PSMC2: variants seen among roughly 807,000 people sequenced by gnomAD.
PSMC2 encodes 26S proteasome regulatory subunit 7.
In PSMC2, 7 loss-of-function variants were observed where a neutral mutation model predicts 53.3. The ratio of observed to expected loss-of-function variants is 0.13; its 90% CI spans 0.07 to 0.25. PSMC2 has a LOEUF of 0.25. Ranked by LOEUF, PSMC2 falls within the 10% of genes least tolerant of loss-of-function variation. The pLI, the probability that PSMC2 is intolerant of heterozygous loss-of-function variation, is 1.00. For missense variants in PSMC2, 241 were observed against 544.0 expected (o/e 0.44, Z 5.54); for synonymous variants, 169 against 183.9 (o/e 0.92, Z 0.66).
chr7:103,352,215 TAAAAA>T (rs769618353), intron 1 of PSMC2, among the ~76,000 whole-genome samples: 9 of 40,620 alleles, frequency 2.2e-4, no homozygotes, highest in African/African-American at 3.5e-4. Context: ...CATACTTAGT[TAAAAA>T]AAAAAAAAAA....
rs371777406 is a variant in PSMC2 at position 103,368,091 on chromosome 7, A to G, written c.*37A>G. ...TTTCAAGTGAAAACTTTAAATTGGA[A>G]TCCTAACCTTATATAGACTTGTTAA... On this transcript the variant is annotated 3_prime_UTR_variant, in exon 12 of 12. Coordinates refer to ENST00000292644, the MANE Select transcript of PSMC2 (RefSeq NM_002803.4). 3 of 1,560,064 alleles carry G rather than the reference A, an allele frequency of 1.9e-6. No individual in the cohort carries two copies. Among genetic ancestry groups the G allele is most frequent in the African/African-American group, 2.8e-5 (2 of 72,692 alleles).
chr7:103,347,802 G>C, intron 1 of PSMC2, 21 bp downstream of exon 1: 1 of 1,613,526 alleles, frequency 6.2e-7, no homozygotes, highest in Non-Finnish European at 8.5e-7. Context: ...ATGGGCCGGA[G>C]CTCGGAGCTG....
chr7:103,360,588 G>A (rs913992021), intron 4 of PSMC2, among the ~76,000 whole-genome samples: 2 of 152,116 alleles, frequency 1.3e-5, no homozygotes, highest in African/African-American at 4.8e-5. Context: ...CTTACTTTTA[G>A]CTCTACCTAT....
intron 8 of PSMC2, among the ~76,000 whole-genome samples, chr7:103,364,986 TAGAG>T (rs1820632406): frequency 6.8e-6 from 1 of 146,484 alleles, no homozygotes; most frequent in Non-Finnish European, 1.5e-5. Flanking sequence ...TATATATATT[TAGAG>T]AATAAGTCTA....
intron 1 of PSMC2, among the ~76,000 whole-genome samples, chr7:103,350,668 T>G (rs567443758): frequency 6.7e-6 from 1 of 149,190 alleles, no homozygotes; most frequent in Non-Finnish European, 1.5e-5. Context: ...TAAAACTTAT[T>G]TTTTTTTTTT....
intron 4 of PSMC2, among the ~76,000 whole-genome samples, chr7:103,361,510 C>CAAAAAAAAAAAAAAAAAA (rs759044767): frequency 2.0e-5 from 1 of 51,100 alleles, no homozygotes; most frequent in Non-Finnish European, 4.1e-5. Context: ...AACTCCATCT[C>CAAAAAAAAAAAAAAAAAA]AAAAAAAAAA....
At chr7:103,362,975 G>A (rs1820501370) in intron 6 of PSMC2, among the ~76,000 whole-genome samples, 1 of 151,718 alleles carries the variant, frequency 6.6e-6, no homozygotes, top group Admixed American at 6.6e-5. Flanking sequence ...TGTATTTTTA[G>A]TAGAGACGGT....
intron 4 of PSMC2, 84 bp from the exon 5 acceptor site, chr7:103,361,873 C>T: frequency 1.5e-6 from 2 of 1,351,960 alleles, no homozygotes; most frequent in African/African-American, 2.9e-5. Flanking sequence ...CTGTATATTG[C>T]ACACTCAGGA....
At chr7:103,364,958 C>CATACAT (rs374432802) in intron 8 of PSMC2, among the ~76,000 whole-genome samples, 6 of 125,500 alleles carry the variant, frequency 4.8e-5, no homozygotes, top group South Asian at 2.5e-4. Flanking sequence ...TGTAGACATA[C>CATACAT]ATATATATAT....
chr7:103,364,981 A>ATATATATATATATATATTTATT (rs950613120), intron 8 of PSMC2, among the ~76,000 whole-genome samples: 5 of 140,802 alleles, frequency 3.6e-5, no homozygotes, highest in African/African-American at 1.3e-4. Context: ...ATATATATAT[A>ATATATATATATATATATTTATT]TATTTAGAGA....
chr7:103,355,724 C>T lies in PSMC2; in HGVS notation c.221C>T (p.Pro74Leu), dbSNP rs1484550739. Reference sequence around the variant, plus strand: ...AAAGAATCTGACACTGGCCTGGCCCCACCAGCACTCTGGGATTTGGCTGCA... The same window carrying T: ...AAAGAATCTGACACTGGCCTGGCCCTACCAGCACTCTGGGATTTGGCTGCA... ...GIKESDTGLAPPALWDLAADK... is the reference protein window; with the variant it reads ...GIKESDTGLALPALWDLAADK... The change falls in exon 4 of 12, where the codon CCA (proline) becomes CTA (leucine). Residue 74 changes from proline (P) to leucine (L), a missense_variant. Around this residue, in one of 6 missense-constraint regions of PSMC2, gnomAD observed 75 missense variants for 185.1 expected, o/e 0.41. Coordinates refer to ENST00000292644, the MANE Select transcript of PSMC2 (RefSeq NM_002803.4). The T allele has an allele frequency of 6.2e-7, 1 of 1,614,040 alleles. No individual in the cohort carries two copies. Among genetic ancestry groups the T allele is most frequent in the East Asian group, 2.2e-5 (1 of 44,882 alleles).
intron 2 of PSMC2, 68 bp downstream of exon 2, chr7:103,354,026 C>T: frequency 8.2e-7 from 1 of 1,214,980 alleles, no homozygotes; most frequent in South Asian, 1.5e-5. Flanking sequence ...TTGGTATTGT[C>T]CTTCCAAAAT....
At chr7:103,352,291 GTTC>G (rs1387488365) in intron 1 of PSMC2, among the ~76,000 whole-genome samples, 1 of 141,494 alleles carries the variant, frequency 7.1e-6, no homozygotes, top group Non-Finnish European at 1.5e-5. Flanking sequence ...TGTATGATTG[GTTC>G]TTGTTTTTCA....
rs762312774 is a variant in PSMC2, at chr7:103,368,098, C to T, written c.*44C>T. ...TGAAAACTTTAAATTGGAATCCTAA[C>T]CTTATATAGACTTGTTAATAACCAA... is the stretch of plus-strand genomic sequence containing the variant. On this transcript the variant is annotated 3_prime_UTR_variant, in exon 12 of 12. Coordinates refer to ENST00000292644, the MANE Select transcript of PSMC2 (RefSeq NM_002803.4). The T allele has an allele frequency of 9.1e-6, 14 of 1,534,250 alleles. 1 individual carries two copies. In the South Asian group the frequency reaches 1.6e-4, roughly 17 times the overall value.
rs1033735616 is a variant in PSMC2 at position 103,368,086 on chromosome 7, T to C, written c.*32T>C. On this transcript the variant is annotated 3_prime_UTR_variant, in exon 12 of 12. Coordinates refer to ENST00000292644, the MANE Select transcript of PSMC2 (RefSeq NM_002803.4). Reference sequence around the variant, plus strand: ...AAGGCTTTCAAGTGAAAACTTTAAATTGGAATCCTAACCTTATATAGACTT... The same window carrying C: ...AAGGCTTTCAAGTGAAAACTTTAAACTGGAATCCTAACCTTATATAGACTT... 8.3e-6 allele frequency: 13 copies of C among 1,572,256 alleles called. No homozygotes were observed. Among genetic ancestry groups the C allele is most frequent in the African/African-American group, 2.7e-5 (2 of 72,998 alleles).
chr7:103,363,309 T>C, intron 6 of PSMC2, 35 bp from the exon 7 acceptor site: 1 of 1,528,586 alleles, frequency 6.5e-7, no homozygotes. Context: ...AAAAAGCCTG[T>C]GACTGTATGT....
chr7:103,347,859 TTCCC>T, intron 1 of PSMC2, 78 bp downstream of exon 1: 1 of 1,484,748 alleles, frequency 6.7e-7, no homozygotes, highest in Non-Finnish European at 9.4e-7. Flanking sequence ...AGGAGCTGGA[TTCCC>T]GCTCCTGGCT....
chr7:103,364,839 G>A lies in PSMC2; in HGVS notation c.756+532G>A, dbSNP rs575502818. On this transcript the variant is annotated intron_variant, in intron 8 of 11. Transcript: ENST00000292644. The stretch of plus-strand genomic sequence containing the variant: ...AAAGGGTGACATTTTCTACAGATGT[G>A]GCTTTTCTACGGAAATGCCTGGTAA... Among the ~76,000 whole-genome samples the A allele has an allele frequency of 4.6e-5, 7 of 151,848 alleles. No individual in the cohort carries two copies. The South Asian group carries it at 1.5e-3, about 32-fold the overall frequency.
At chr7:103,365,709 C>T (rs969916436) in intron 8 of PSMC2, among the ~76,000 whole-genome samples, 1 of 152,106 alleles carries the variant, frequency 6.6e-6, no homozygotes, top group Non-Finnish European at 1.5e-5. Context: ...ACGGGTGGAA[C>T]ATGAGGTCAG....
Sources: allele counts gnomAD v4.1 joint callset (sites outside exome capture counted in the v4.1 genomes callset), GRCh38; gene constraint gnomAD v4.1.1; regional missense constraint gnomAD v4.1.1; transcripts MANE v1.5; gene names NCBI Gene and HGNC (gene_info 2026-07-23, HGNC 2026-07-21).